The following EDIL3 variants were observed in gnomAD, a reference collection of about 807,000 sequenced individuals.
EDIL3 encodes EGF-like repeat and discoidin I-like domain-containing protein 3.
In EDIL3, 37 loss-of-function variants were observed where a neutral mutation model predicts 67.4. The observed-to-expected ratio is 0.55, with a 90% CI of 0.42 to 0.72. The LOEUF (loss-of-function observed/expected upper bound fraction) is 0.72. Ranked by LOEUF, EDIL3 falls within the 30% of genes least tolerant of loss-of-function variation. EDIL3 has a pLI of 0.00. For missense variants in EDIL3, 527 were observed against 586.3 expected (o/e 0.90, Z 1.04); for synonymous variants, 195 against 196.3 (o/e 0.99, Z 0.05).
intron 3 of EDIL3, among the ~76,000 whole-genome samples, chr5:84,209,215 G>C (rs1053972796): frequency 1.3e-5 from 2 of 151,594 alleles, no homozygotes; most frequent in Non-Finnish European, 2.9e-5. Flanking sequence ...TCACACTCTG[G>C]GGACTGTTGT....
At chr5:84,248,441 T>C (rs1390900324) in intron 2 of EDIL3, among the ~76,000 whole-genome samples, 3 of 152,186 alleles carry the variant, frequency 2.0e-5, no homozygotes, top group Non-Finnish European at 2.9e-5. Flanking sequence ...ATCACTTAAA[T>C]ATTGATGGCC....
intron 1 of EDIL3, among the ~76,000 whole-genome samples, chr5:84,312,413 C>T (rs1175482499): frequency 2.4e-4 from 31 of 127,582 alleles, no homozygotes; most frequent in Non-Finnish European, 3.0e-4. Context: ...CCGGACGGGG[C>T]GGCTGGCCGG....
At chr5:84,012,024 C>G (rs953134684) in intron 9 of EDIL3, among the ~76,000 whole-genome samples, 1 of 152,144 alleles carries the variant, frequency 6.6e-6, no homozygotes, top group Admixed American at 6.6e-5. Flanking sequence ...TCTGTCTTCT[C>G]TAATTCCAGT....
chr5:84,168,952 T>C (rs565021051), intron 4 of EDIL3, among the ~76,000 whole-genome samples: 1 of 152,268 alleles, frequency 6.6e-6, no homozygotes, highest in African/African-American at 2.4e-5. Flanking sequence ...TCCTTGACTA[T>C]TGCTCAGGTC....
At chr5:84,215,042 A>G (rs971408817) in intron 3 of EDIL3, among the ~76,000 whole-genome samples, 8 of 152,158 alleles carry the variant, frequency 5.3e-5, no homozygotes, top group African/African-American at 1.9e-4. Context: ...TTGAATTAAT[A>G]ATGCAATAAA....
chr5:84,264,365 T>C (rs1276498224), intron 1 of EDIL3, among the ~76,000 whole-genome samples: 1 of 152,108 alleles, frequency 6.6e-6, no homozygotes, highest in Non-Finnish European at 1.5e-5. Context: ...GCGCATGCAG[T>C]AAATAGAAGG....
chr5:83,957,811 C>T (rs1192121370), intron 10 of EDIL3, among the ~76,000 whole-genome samples: 1 of 151,506 alleles, frequency 6.6e-6, no homozygotes, highest in Non-Finnish European at 1.5e-5. Context: ...CAAAATTTTT[C>T]CACCTTTACT....
chr5:84,222,434 G>T (rs778748753), intron 3 of EDIL3, among the ~76,000 whole-genome samples: 3 of 151,748 alleles, frequency 2.0e-5, no homozygotes, highest in Non-Finnish European at 4.4e-5. Flanking sequence ...GCATTGGTAA[G>T]CCAAATCACC....
At chr5:83,968,049 C>T (rs1420181542) in intron 9 of EDIL3, among the ~76,000 whole-genome samples, 1 of 152,112 alleles carries the variant, frequency 6.6e-6, no homozygotes, top group Non-Finnish European at 1.5e-5. Flanking sequence ...TATTTAATAA[C>T]ATTTGGTTTC....
intron 9 of EDIL3, among the ~76,000 whole-genome samples, chr5:84,042,792 G>C (rs1433428175): frequency 6.6e-6 from 1 of 152,170 alleles, no homozygotes; most frequent in Non-Finnish European, 1.5e-5. Context: ...TTTCATAGCA[G>C]AGTTCCTATT....
intron 3 of EDIL3, among the ~76,000 whole-genome samples, chr5:84,220,138 A>G (rs1465103176): frequency 6.6e-6 from 1 of 152,218 alleles, no homozygotes. Flanking sequence ...CACATAGGGT[A>G]AATGCTTGAG....
At chr5:84,038,007 T>C (rs1746053647) in intron 9 of EDIL3, among the ~76,000 whole-genome samples, 1 of 126,046 alleles carries the variant, frequency 7.9e-6, no homozygotes, top group Non-Finnish European at 1.7e-5. Flanking sequence ...TTTTTTTTTT[T>C]TTTTGAGACA....
At chr5:84,326,403 T>A (rs1746757084) in intron 1 of EDIL3, among the ~76,000 whole-genome samples, 1 of 151,984 alleles carries the variant, frequency 6.6e-6, no homozygotes, top group Non-Finnish European at 1.5e-5. Flanking sequence ...AAATTATTGT[T>A]TAATAAAGAT....
At chr5:84,131,989 T>C (rs567516748) in intron 5 of EDIL3, among the ~76,000 whole-genome samples, 4 of 151,750 alleles carry the variant, frequency 2.6e-5, no homozygotes, top group Middle Eastern at 3.4e-3. Context: ...TCCCAGCACT[T>C]TGGGAGATTG....
chr5:83,985,351 A>G (rs891059919), intron 9 of EDIL3, among the ~76,000 whole-genome samples: 3 of 152,110 alleles, frequency 2.0e-5, no homozygotes, highest in Non-Finnish European at 4.4e-5. Flanking sequence ...TTTTGTATCA[A>G]ATTTTGTTTG....
Position 84,224,640 on chromosome 5 carries a change from G to A in EDIL3, c.226+5215C>T, listed in dbSNP as rs1459448415. 2.0e-5 allele frequency among the ~76,000 whole-genome samples: 3 copies of A among 151,496 alleles called. No individual in the cohort carries two copies. In the East Asian group the frequency reaches 5.8e-4, roughly 29 times the overall value. On this transcript the variant is annotated intron_variant, in intron 3 of 10. Transcript: ENST00000296591. ...ATACATATCATATGTTCAGGTGAAT[G>A]TTGTTAATTTCAAAGTTGTAATCTT...
intron 1 of EDIL3, among the ~76,000 whole-genome samples, chr5:84,304,785 C>T (rs1746231742): frequency 6.6e-6 from 1 of 152,082 alleles, no homozygotes; most frequent in Non-Finnish European, 1.5e-5. Flanking sequence ...CAGACAAATA[C>T]AACAATTGGA....
chr5:84,138,144 A>G (rs796528766), intron 4 of EDIL3, among the ~76,000 whole-genome samples: 7 of 152,334 alleles, frequency 4.6e-5, no homozygotes, highest in African/African-American at 1.7e-4. Context: ...GCAAAGCACC[A>G]TGCTGGATTC....
At chr5:84,200,321 G>C (rs1169552052) in intron 3 of EDIL3, among the ~76,000 whole-genome samples, 1 of 151,762 alleles carries the variant, frequency 6.6e-6, no homozygotes, top group African/African-American at 2.4e-5. Context: ...AATTTTCTTA[G>C]GGGTCAATCA....
Sources: gnomAD v4.1 joint callset for allele counts (sites outside exome capture counted in the v4.1 genomes callset) on GRCh38, gnomAD v4.1.1 for gene constraint, MANE v1.5 for transcripts, NCBI Gene and HGNC (gene_info 2026-07-23, HGNC 2026-07-21) for gene names.